UPK1B: variants seen among roughly 807,000 people sequenced by gnomAD.
The protein encoded by UPK1B is uroplakin-1b.
A neutral mutation model predicts 34.2 loss-of-function variants in UPK1B; 28 were observed. The ratio of observed to expected loss-of-function variants is 0.82; its 90% CI spans 0.61 to 1.12. The LOEUF (loss-of-function observed/expected upper bound fraction) is 1.12, where lower values mean the gene tolerates loss of function less well. UPK1B is among the 50% of genes most tolerant of loss of function. The pLI, the probability that UPK1B is intolerant of heterozygous loss-of-function variation, is 0.00. For synonymous variants in UPK1B, 81 were observed against 110.4 expected, an observed-to-expected ratio of 0.73 and a Z score of 1.67; for missense variants, 325 against 320.9, an observed-to-expected ratio of 1.01 and a Z score of -0.10.
chr3:119,186,144 A>T (rs1006186922), intron 1 of UPK1B, among the ~76,000 whole-genome samples: 1 of 152,234 alleles, frequency 6.6e-6, no homozygotes, highest in African/African-American at 2.4e-5. Flanking sequence ...AGAGTGGCAC[A>T]CACCTGGCAG....
chr3:119,203,780 T>C lies in UPK1B; in HGVS notation c.733-137T>C, dbSNP rs908830538. 3 of 887,826 alleles carry C rather than the reference T, an allele frequency of 3.4e-6. No homozygotes were observed. In the Admixed American group the frequency reaches 7.3e-5, roughly 22 times the overall value. The allele number at this position is 887,826 out of a possible 1,614,324, so 55.0% of individuals were successfully genotyped here. A position where few individuals can be genotyped will look rare whatever the true frequency, so the allele number is the denominator to read the frequency against. On this transcript the variant is annotated intron_variant, in intron 7 of 7. Coordinates refer to ENST00000264234, the MANE Select transcript of UPK1B (RefSeq NM_006952.4). ...GTATCCTGTTTTTGTTTTGGTTTTT[T>C]AGAAGAAATAAAAACAAACAAACAA...
intron 1 of UPK1B, among the ~76,000 whole-genome samples, chr3:119,179,247 AGCCTAGGAAGTCAAGGC>A (rs2077973925): frequency 7.3e-5 from 11 of 150,036 alleles, no homozygotes; most frequent in African/African-American, 2.4e-4. Flanking sequence ...GGATCACTTG[AGCCTAGGAAGTCAAGGC>A]TGCAGTGAGA....
intron 2 of UPK1B, 101 bp from the exon 3 acceptor site, chr3:119,187,674 C>T: frequency 1.6e-6 from 2 of 1,249,248 alleles, no homozygotes; most frequent in Non-Finnish European, 2.3e-6. Flanking sequence ...TTGCATAAAG[C>T]CTGTGCAGGA....
At chr3:119,191,251 G>A in intron 5 of UPK1B, 147 bp downstream of exon 5, 1 of 1,000,046 alleles carries the variant, frequency 1.0e-6, no homozygotes, top group Non-Finnish European at 1.4e-6. Flanking sequence ...AGAAACTTAG[G>A]TTAATCATAC....
intron 7 of UPK1B, among the ~76,000 whole-genome samples, chr3:119,200,549 T>C (rs933547926): frequency 3.3e-5 from 5 of 152,266 alleles, no homozygotes; most frequent in African/African-American, 1.2e-4. Context: ...GTTATGCAGA[T>C]CTTCCAAATG....
At chr3:119,194,127 G>T in intron 5 of UPK1B, 92 bp from the exon 6 acceptor site, 1 of 1,256,494 alleles carries the variant, frequency 8.0e-7, no homozygotes, top group Non-Finnish European at 1.1e-6. Context: ...TACACTTTCC[G>T]TATCTTCTTT....
intron 7 of UPK1B, among the ~76,000 whole-genome samples, chr3:119,201,690 G>C (rs1014392346): frequency 2.0e-5 from 3 of 152,160 alleles, no homozygotes; most frequent in Non-Finnish European, 4.4e-5. Context: ...AGGCAGGAAG[G>C]AGAGGGAAAT....
intron 6 of UPK1B, 26 bp downstream of exon 6, chr3:119,194,424 T>C: frequency 6.3e-7 from 1 of 1,584,298 alleles, no homozygotes; most frequent in East Asian, 2.3e-5. Flanking sequence ...TCCCAAGACT[T>C]CCCAGGAGGT....
intron 1 of UPK1B, among the ~76,000 whole-genome samples, chr3:119,175,808 T>C (rs759530952): frequency 5.9e-5 from 9 of 152,264 alleles, no homozygotes; most frequent in South Asian, 2.1e-4. Context: ...TGAGATGTGG[T>C]TGGAGCAACT....
rs116431516 is a variant in UPK1B, at chr3:119,174,251, G to A, written c.-29+613G>A. The stretch of plus-strand genomic sequence containing the variant: ...AAGTCAACAAAGTAGCTTTATCTAC[G>A]CAATGTTATTTTTACATAATTTGTT... On this transcript the variant is annotated intron_variant, in intron 1 of 7. Coordinates refer to ENST00000264234, the MANE Select transcript of UPK1B (RefSeq NM_006952.4). Among the ~76,000 whole-genome samples, 944 of 152,204 alleles carry A rather than the reference G, an allele frequency of 6.2e-3. 4 individuals carry two copies. Among genetic ancestry groups the A allele is most frequent in the African/African-American group, 0.022 (897 of 41,504 alleles).
At chr3:119,184,856 T>C (rs1441467847) in intron 1 of UPK1B, among the ~76,000 whole-genome samples, 2 of 152,252 alleles carry the variant, frequency 1.3e-5, no homozygotes, top group African/African-American at 4.8e-5. Flanking sequence ...CTTTCCTCTC[T>C]ATGCTTCTGT....
intron 1 of UPK1B, among the ~76,000 whole-genome samples, chr3:119,179,653 G>C (rs1396407407): frequency 1.4e-5 from 2 of 144,806 alleles, no homozygotes; most frequent in African/African-American, 5.0e-5. Context: ...GGGACTACAG[G>C]CGCCTGCCAC....
intron 1 of UPK1B, among the ~76,000 whole-genome samples, chr3:119,185,824 T>C (rs769062087): frequency 1.4e-4 from 21 of 152,198 alleles, no homozygotes; most frequent in Admixed American, 2.0e-4. Flanking sequence ...CCCACACACT[T>C]ACCTTTGTGT....
intron 1 of UPK1B, chr3:119,176,128 G>C (rs182085800): frequency 6.6e-6 from 1 of 152,278 alleles, no homozygotes; most frequent in East Asian, 1.9e-4. Flanking sequence ...TAAGGCAATC[G>C]CATATTGTGT....
intron 3 of UPK1B, among the ~76,000 whole-genome samples, chr3:119,189,709 G>C (rs1464877223): frequency 6.6e-6 from 1 of 152,228 alleles, no homozygotes; most frequent in Non-Finnish European, 1.5e-5. Flanking sequence ...CTGGATGCTT[G>C]TTAGGAAGGA....
intron 1 of UPK1B, among the ~76,000 whole-genome samples, chr3:119,177,591 T>C (rs2077962876): frequency 6.6e-6 from 1 of 152,230 alleles, no homozygotes; most frequent in Admixed American, 6.5e-5. Context: ...TTAATGTCTC[T>C]CAAATTACAT....
At chr3:119,199,191 G>A in intron 7 of UPK1B, 51 bp downstream of exon 7, 1 of 1,598,166 alleles carries the variant, frequency 6.3e-7, no homozygotes, top group Non-Finnish European at 8.6e-7. Context: ...CATACGGAGA[G>A]ACCTTGAGAG....
chr3:119,197,705 A>C (rs1363313844), intron 6 of UPK1B, among the ~76,000 whole-genome samples: 2 of 152,246 alleles, frequency 1.3e-5, no homozygotes, highest in East Asian at 3.8e-4. Flanking sequence ...TGGAGCTTGC[A>C]TTCTAGCATG....
chr3:119,199,815 TCAGAA>T (rs1192969389), intron 7 of UPK1B, among the ~76,000 whole-genome samples: 1 of 152,212 alleles, frequency 6.6e-6, no homozygotes, highest in Non-Finnish European at 1.5e-5. Context: ...ACTTTTGATT[TCAGAA>T]CCCCTTTACA....
Sources: allele counts gnomAD v4.1 joint callset (sites outside exome capture counted in the v4.1 genomes callset), GRCh38; gene constraint gnomAD v4.1.1; transcripts MANE v1.5; gene names NCBI Gene and HGNC (gene_info 2026-07-23, HGNC 2026-07-21).